The following LRBA variants were observed in gnomAD, a reference collection of about 807,000 sequenced individuals.
The protein encoded by LRBA is lipopolysaccharide-responsive and beige-like anchor protein.
In LRBA, 176 loss-of-function variants were observed where a neutral mutation model predicts 330.0. That is an observed-to-expected ratio of 0.53 (90% confidence interval 0.47 to 0.60). The LOEUF is 0.60. Among genes scored for constraint, LRBA ranks in the 20% least tolerant of loss-of-function variants. The pLI is 0.00. For missense variants in LRBA, 3,259 were observed against 3,444.8 expected, an observed-to-expected ratio of 0.95 and a Z score of 1.35; for synonymous variants, 1,230 against 1,193.0, an observed-to-expected ratio of 1.03 and a Z score of -0.64.
chr4:150,855,502 C>T (rs1751117758), intron 22 of LRBA, among the ~76,000 whole-genome samples: 2 of 152,038 alleles, frequency 1.3e-5, no homozygotes, highest in African/African-American at 4.8e-5. Context: ...TTGTATTATA[C>T]AATGGATCAA....
chr4:150,396,085 T>A (rs1416785930), intron 47 of LRBA, among the ~76,000 whole-genome samples: 1 of 152,106 alleles, frequency 6.6e-6, no homozygotes, highest in African/African-American at 2.4e-5. Context: ...GGTTAGCATC[T>A]GAATCAGCAC....
chr4:150,624,533 A>G (rs559078801), intron 37 of LRBA, among the ~76,000 whole-genome samples: 2 of 152,280 alleles, frequency 1.3e-5, no homozygotes, highest in African/African-American at 4.8e-5. Context: ...TATCAAACCT[A>G]AAGTTATCCA....
At chr4:150,842,510 A>T (rs1225370143) in intron 28 of LRBA, among the ~76,000 whole-genome samples, 1 of 152,190 alleles carries the variant, frequency 6.6e-6, no homozygotes. Context: ...TGGACAATAG[A>T]CTCAGAACCT....
chr4:150,620,858 T>G (rs1776222089), intron 37 of LRBA, among the ~76,000 whole-genome samples: 1 of 152,172 alleles, frequency 6.6e-6, no homozygotes, highest in South Asian at 2.1e-4. Context: ...TTGGGTACAA[T>G]GTACACTACT....
chr4:150,745,579 G>A (rs542931888), intron 35 of LRBA, among the ~76,000 whole-genome samples: 8 of 152,096 alleles, frequency 5.3e-5, no homozygotes, highest in Admixed American at 1.3e-4. Flanking sequence ...GCAGTGGCAC[G>A]ATCTCAGCTC....
Position 150,321,955 on chromosome 4 carries a change from G to C in LRBA, c.7453-587C>G, listed in dbSNP as rs543995958. 3.9e-5 allele frequency among the ~76,000 whole-genome samples: 6 copies of C among 152,112 alleles called. No homozygotes were observed. The highest frequency in any genetic ancestry group is 1.4e-4 in the African/African-American group (6 of 41,418). On this transcript the variant is annotated intron_variant, in intron 49 of 56. Coordinates refer to ENST00000651943, the MANE Select transcript of LRBA (RefSeq NM_001364905.1). The surrounding 1 kb of genome is among the most constrained non-coding windows in gnomAD (Gnocchi z 4.5). Reference sequence around the variant, plus strand: ...TACAGTAGAGAAATAACTTATGAACGTAATATACAAACTTAATTATAAAGG... The same window carrying C: ...TACAGTAGAGAAATAACTTATGAACCTAATATACAAACTTAATTATAAAGG...
chr4:150,952,434 TAGAC>T (rs1173050534), intron 2 of LRBA, among the ~76,000 whole-genome samples: 2 of 152,184 alleles, frequency 1.3e-5, no homozygotes, highest in Non-Finnish European at 2.9e-5. Context: ...AGAGGGAAAT[TAGAC>T]AGTCAGTCTT....
At chr4:150,475,995 G>T (rs1383073246) in intron 42 of LRBA, among the ~76,000 whole-genome samples, 4 of 151,750 alleles carry the variant, frequency 2.6e-5, no homozygotes, top group Non-Finnish European at 2.9e-5. Flanking sequence ...TAAGTAATTT[G>T]TGTCATCTTT....
intron 40 of LRBA, among the ~76,000 whole-genome samples, chr4:150,552,996 G>T (rs1266717298): frequency 6.6e-6 from 1 of 151,572 alleles, no homozygotes; most frequent in South Asian, 2.1e-4. Context: ...ATGAACCCGG[G>T]AAACGGAGCT....
chr4:150,292,718 T>C (rs1185814954), intron 53 of LRBA, among the ~76,000 whole-genome samples: 1 of 152,170 alleles, frequency 6.6e-6, no homozygotes, highest in African/African-American at 2.4e-5. Context: ...AAACACAGCC[T>C]TTTATTTAAA....
intron 54 of LRBA, among the ~76,000 whole-genome samples, chr4:150,283,210 C>T (rs1747760708): frequency 1.3e-5 from 2 of 152,112 alleles, no homozygotes; most frequent in South Asian, 4.2e-4. Context: ...CCAAAAAATT[C>T]ACACAGGAAC....
At chr4:150,378,908 T>C (rs1194877188) in intron 47 of LRBA, among the ~76,000 whole-genome samples, 4 of 152,228 alleles carry the variant, frequency 2.6e-5, no homozygotes, top group African/African-American at 9.6e-5. Context: ...TTAGCTATTT[T>C]ATACTATTAT....
chr4:150,597,305 A>G (rs1318172680), intron 38 of LRBA, among the ~76,000 whole-genome samples: 1 of 151,926 alleles, frequency 6.6e-6, no homozygotes, highest in Non-Finnish European at 1.5e-5. Context: ...TGATTTTAAG[A>G]GCTCAACAAT....
chr4:150,936,110 G>C (rs1286765876), intron 2 of LRBA, among the ~76,000 whole-genome samples: 1 of 151,748 alleles, frequency 6.6e-6, no homozygotes, highest in Non-Finnish European at 1.5e-5. Flanking sequence ...AACTTTGTTT[G>C]AAATTATTAA....
chr4:150,470,869 ACACAC>A (rs1435279806), intron 43 of LRBA, among the ~76,000 whole-genome samples: 1 of 120,968 alleles, frequency 8.3e-6, no homozygotes, highest in Non-Finnish European at 1.8e-5. Context: ...ACACACACAC[ACACAC>A]ACCACACACT....
rs776341426 is a variant in LRBA, at chr4:150,916,568, TCA to T, written c.768-43_768-42del. 8 of 1,608,266 alleles carry T rather than the reference TCA, an allele frequency of 5.0e-6. No homozygotes were observed. In the South Asian group the frequency reaches 8.9e-5, roughly 18 times the overall value. On this transcript the variant is annotated intron_variant, in intron 6 of 56. Coordinates refer to ENST00000651943, the MANE Select transcript of LRBA (RefSeq NM_001364905.1). ...TTCATTTTACCTCTAAATATTCTTC[TCA>T]GTTTCAAAGTAAGGTTTTAACACTA... is the stretch of plus-strand genomic sequence containing the variant.
In LRBA at chr4:150,467,731, T is replaced by C. The variant is rs746550721; in HGVS notation, c.6722A>G (p.Asn2241Ser). Residue 2241 changes from asparagine (N) to serine (S), a missense_variant, in exon 44 of 57, where the codon AAT (asparagine) becomes AGT (serine). Transcript: ENST00000651943. ...QYPVFPWVIT[N>S]YESEELDLTL... ...AAGATCCAGTTCTTCTGATTCATAA[T>C]TAGTGATGACCCAAGGAAACACTGG... 3.7e-6 allele frequency: 6 copies of C among 1,610,128 alleles called. No homozygotes were observed. The highest frequency in any genetic ancestry group is 5.1e-6 in the Non-Finnish European group (6 of 1,177,402).
chr4:150,487,226 G>C (rs1394560542), intron 42 of LRBA, among the ~76,000 whole-genome samples: 1 of 150,720 alleles, frequency 6.6e-6, no homozygotes, highest in Non-Finnish European at 1.5e-5. Flanking sequence ...TATCGTGTGT[G>C]TGTATATTTA....
At chr4:150,686,099 T>G (rs1236380856) in intron 36 of LRBA, among the ~76,000 whole-genome samples, 1 of 152,196 alleles carries the variant, frequency 6.6e-6, no homozygotes, top group South Asian at 2.1e-4. Flanking sequence ...ATCAATTCAC[T>G]CATTTACCTC....
Sources: allele counts gnomAD v4.1 joint callset (sites outside exome capture counted in the v4.1 genomes callset), GRCh38; gene constraint gnomAD v4.1.1; non-coding constraint Gnocchi (gnomAD v3.1); transcripts MANE v1.5; gene names NCBI Gene and HGNC (gene_info 2026-07-23, HGNC 2026-07-21).